PRKD2: variants seen among roughly 807,000 people sequenced by gnomAD.
The protein encoded by PRKD2 is protein kinase D2.
In PRKD2, 22 loss-of-function variants were observed where a neutral mutation model predicts 86.0. The observed-to-expected ratio is 0.26, with a 90% CI of 0.18 to 0.37. PRKD2 has a LOEUF of 0.37. Among genes scored for constraint, PRKD2 ranks in the 10% least tolerant of loss-of-function variants. The probability of loss-of-function intolerance (pLI) is 1.00; values close to 1 mark genes in which losing one functional copy is unlikely to be tolerated. For synonymous variants in PRKD2, 509 were observed against 510.9 expected, an observed-to-expected ratio of 1.00 and a Z score of 0.05; for missense variants, 818 against 1,199.2, an observed-to-expected ratio of 0.68 and a Z score of 4.70.
Position 46,700,962 on chromosome 19 carries a change from C to CG in PRKD2, c.968-11dup. 6.2e-7 allele frequency: 1 copy of CG among 1,614,182 alleles called. No individual in the cohort carries two copies. Among genetic ancestry groups the CG allele is most frequent in the Non-Finnish European group, 8.5e-7 (1 of 1,180,000 alleles). ...TCCTCCATCGGCACATCTGTGGGGA[C>CG]GGAGGCATCAGAGGGGTCTCCACCC... On this transcript the variant is annotated splice_polypyrimidine_tract_variant and intron_variant, in intron 6 of 17. Coordinates refer to ENST00000291281, the MANE Select transcript of PRKD2 (RefSeq NM_016457.5).
Position 46,713,952 on chromosome 19 carries a change from T to C in PRKD2, c.290A>G (p.Lys97Arg). ...YGLYDKILLF[K>R]HDPTSANLLQ... ...GAGGTTGGCCGACGTGGGGTCATGT[T>C]TGAAAAGCAGGATCTTGTCGTAAAG... Residue 97 changes from lysine (K) to arginine (R), a missense_variant, in exon 2 of 18, where the codon AAA (lysine) becomes AGA (arginine). This residue lies in a region of PRKD2 where 403 missense variants were observed against 518.6 expected (regional missense o/e 0.78). Transcript: ENST00000291281. 1 of 1,613,696 alleles carries C rather than the reference T, an allele frequency of 6.2e-7. No individual in the cohort carries two copies. Among genetic ancestry groups the C allele is most frequent in the Non-Finnish European group, 8.5e-7 (1 of 1,179,892 alleles).
At chr19:46,703,866 C>A (rs1351156564) in intron 5 of PRKD2, among the ~76,000 whole-genome samples, 1 of 151,702 alleles carries the variant, frequency 6.6e-6, no homozygotes, top group Non-Finnish European at 1.5e-5. Context: ...ATCACTTGAA[C>A]CCAGGAGGTT....
intron 2 of PRKD2, among the ~76,000 whole-genome samples, chr19:46,711,286 A>G (rs983099160): frequency 7.9e-5 from 12 of 152,176 alleles, no homozygotes; most frequent in African/African-American, 2.7e-4. Context: ...ACGGGCAAGG[A>G]GCTTCAGTTT....
chr19:46,674,671 T>C lies in PRKD2; in HGVS notation c.2489A>G (p.His830Arg). ...EGKMGERYIT[H>R]ESDDARWEQF... ...CTCCCAGCGCGCGTCGTCACTCTCA[T>C]GCGTGATGTATCGCTCTCCCATCTT... is the stretch of plus-strand genomic sequence containing the variant. The change falls in exon 18 of 18, where the codon CAT (histidine) becomes CGT (arginine). Residue 830 changes from histidine (H) to arginine (R), a missense_variant. Around this residue, in one of 5 missense-constraint regions of PRKD2, gnomAD observed 132 missense variants for 146.2 expected, o/e 0.90. Coordinates refer to ENST00000291281, the MANE Select transcript of PRKD2 (RefSeq NM_016457.5). The C allele has an allele frequency of 1.9e-6, 3 of 1,606,418 alleles. No homozygotes were observed. Among genetic ancestry groups the C allele is most frequent in the Non-Finnish European group, 2.5e-6 (3 of 1,179,950 alleles).
intron 17 of PRKD2, 120 bp downstream of exon 17, chr19:46,674,913 C>G: frequency 8.2e-7 from 1 of 1,213,668 alleles, no homozygotes; most frequent in Non-Finnish European, 1.2e-6. Flanking sequence ...AATGGGAGGC[C>G]TAGCCACATT....
intron 8 of PRKD2, 110 bp from the exon 9 acceptor site, chr19:46,697,344 A>G (rs2053574725): frequency 1.3e-6 from 1 of 789,704 alleles, no homozygotes; most frequent in African/African-American, 1.7e-5. Context: ...TGCACGCCGT[A>G]ACTCTAGCAC....
At chr19:46,701,146 A>T (rs2053629492) in intron 5 of PRKD2, 34 bp from the exon 6 acceptor site, 4 of 1,596,306 alleles carry the variant, frequency 2.5e-6, no homozygotes, top group Non-Finnish European at 3.4e-6. Flanking sequence ...ACGGGTGAGA[A>T]GGGGAAGAGA....
At chr19:46,681,255 C>CTT (rs560763431) in intron 15 of PRKD2, among the ~76,000 whole-genome samples, 12 of 133,102 alleles carry the variant, frequency 9.0e-5, no homozygotes, top group African/African-American at 3.3e-4. Context: ...CGCACCCAGT[C>CTT]TTTTTTTTTT....
intron 14 of PRKD2, among the ~76,000 whole-genome samples, chr19:46,688,563 A>G (rs2053435151): frequency 6.6e-6 from 1 of 151,400 alleles, no homozygotes; most frequent in South Asian, 2.1e-4. Context: ...CAGCCTCCCA[A>G]GTAGCTATGA....
Position 46,713,870 on chromosome 19 carries a change from C to T in PRKD2, c.372G>A (p.Val124=), listed in dbSNP as rs372176997. ...DIQEGDLVEV[V]LSASATFEDF... ...CCGGCCACCACCTCTCACCCGACAG[C>T]ACCACCTCCACCAGGTCGCCCTCCT... Residue 124 remains valine (V), a synonymous_variant, in exon 2 of 18, where the codon GTG becomes GTA. Transcript: ENST00000291281. 1.9e-6 allele frequency: 3 copies of T among 1,602,072 alleles called. No homozygotes were observed. The highest frequency in any genetic ancestry group is 2.7e-5 in the African/African-American group (2 of 74,678).
At chr19:46,713,193 T>TA (rs2053833006) in intron 2 of PRKD2, among the ~76,000 whole-genome samples, 1 of 149,196 alleles carries the variant, frequency 6.7e-6, no homozygotes, top group East Asian at 1.9e-4. Context: ...TAACTTTTTT[T>TA]TTTTTTTTTT....
chr19:46,693,978 C>T lies in PRKD2; in HGVS notation c.1473G>A (p.Gly491=). 2 of 1,613,202 alleles carry T rather than the reference C, an allele frequency of 1.2e-6. No homozygotes were observed. The highest frequency in any genetic ancestry group is 1.7e-6 in the Non-Finnish European group (2 of 1,179,990). Residue 491 remains glycine, a synonymous_variant, in exon 10 of 18, where the codon GGG becomes GGA. Coordinates refer to ENST00000291281, the MANE Select transcript of PRKD2 (RefSeq NM_016457.5). This position sits in a 1 kb window ranked among gnomAD's most constrained non-coding sequence, Gnocchi z 4.5. ...MPGGTPGGPS[G]QGAEAARGWE... ...AGCCCCGGGCGGCCTCAGCCCCCTG[C>T]CCACTTGGCCCACCCGGAGTCCCGC...
intron 3 of PRKD2, among the ~76,000 whole-genome samples, chr19:46,705,972 C>T: frequency 6.6e-6 from 1 of 152,124 alleles, no homozygotes; most frequent in Non-Finnish European, 1.5e-5. Flanking sequence ...ATCCTCCTGC[C>T]TCAGCCTCCT....
At chr19:46,696,189 G>A (rs1467681347) in intron 9 of PRKD2, among the ~76,000 whole-genome samples, 1 of 152,124 alleles carries the variant, frequency 6.6e-6, no homozygotes, top group Non-Finnish European at 1.5e-5. Context: ...AAGATGATAA[G>A]GAACCAGCCA....
In PRKD2 at chr19:46,704,332, A is replaced by T. The variant is rs752867860; in HGVS notation, c.726T>A (p.Ser242=). The T allele has an allele frequency of 3.1e-6, 5 of 1,614,236 alleles. No homozygotes were observed. Among genetic ancestry groups the T allele is most frequent in the Non-Finnish European group, 4.2e-6 (5 of 1,180,040 alleles). ...TGGGGCGGCCCGTATACGATGAGGC[A>T]GAAGAGGAGGAAGAGGATGACGGGG... ...RRPPSSSSSS[S]ASSYTGRPIE... Residue 242 remains serine (S), a synonymous_variant, in exon 5 of 18, where the codon TCT becomes TCA. Transcript: ENST00000291281.
Position 46,693,356 on chromosome 19 carries a change from T to C in PRKD2, c.1576+519A>G, listed in dbSNP as rs1029483315. Among the ~76,000 whole-genome samples the C allele has an allele frequency of 2.0e-5, 3 of 152,198 alleles. No homozygotes were observed. Among genetic ancestry groups the C allele is most frequent in the Non-Finnish European group, 4.4e-5 (3 of 68,030 alleles). ...AAGTGCATGAGGACTTATCAGCACC[T>C]GGGACAAGGCTCATGGAGGGGAAGT... On this transcript the variant is annotated intron_variant, in intron 10 of 17. Transcript: ENST00000291281. This position sits in a 1 kb window ranked among gnomAD's most constrained non-coding sequence, Gnocchi z 4.5.
chr19:46,683,492 C>T (rs897613230), intron 14 of PRKD2, among the ~76,000 whole-genome samples: 3 of 152,106 alleles, frequency 2.0e-5, no homozygotes, highest in Non-Finnish European at 4.4e-5. Context: ...AAGGCTGAGG[C>T]AGGTGGATCA....
chr19:46,676,322 G>C (rs1259071836), intron 16 of PRKD2, among the ~76,000 whole-genome samples: 1 of 152,180 alleles, frequency 6.6e-6, no homozygotes, highest in African/African-American at 2.4e-5. Flanking sequence ...CAGCTACTCA[G>C]GAGGCTGAGG....
Position 46,678,858 on chromosome 19 carries a change from AAGAAGAGC to A in PRKD2, c.2071-203_2071-196del, listed in dbSNP as rs1256400810. ...GTGCCTCAGTTTCCCCATCTATAGG[AAGAAGAGC>A]AGAAGAGCACCTATCTCAGAGGACT... On this transcript the variant is annotated intron_variant, in intron 15 of 17. Transcript: ENST00000291281. The surrounding 1 kb of genome is among the most constrained non-coding windows in gnomAD (Gnocchi z 5.7). Among the ~76,000 whole-genome samples, 1 of 152,118 alleles carries A rather than the reference AAGAAGAGC, an allele frequency of 6.6e-6. No individual in the cohort carries two copies. The highest frequency in any genetic ancestry group is 2.1e-4 in the South Asian group (1 of 4,820).
Sources: gnomAD v4.1 joint callset for allele counts (sites outside exome capture counted in the v4.1 genomes callset) on GRCh38, gnomAD v4.1.1 for gene constraint, gnomAD v4.1.1 regional missense constraint, Gnocchi (gnomAD v3.1) non-coding constraint, MANE v1.5 for transcripts, NCBI Gene and HGNC (gene_info 2026-07-23, HGNC 2026-07-21) for gene names.